DAB2IP: variants seen among roughly 807,000 people sequenced by gnomAD.
The protein encoded by DAB2IP is disabled homolog 2-interacting protein.
A neutral mutation model predicts 107.2 loss-of-function variants in DAB2IP; 28 were observed. The observed-to-expected ratio is 0.26, with a 90% CI of 0.19 to 0.36. The LOEUF (loss-of-function observed/expected upper bound fraction) is 0.36. DAB2IP is among the 10% of genes least tolerant of loss of function. The probability of loss-of-function intolerance (pLI) is 1.00; values close to 1 mark genes in which losing one functional copy is unlikely to be tolerated. For synonymous variants in DAB2IP, 755 were observed against 706.4 expected, an observed-to-expected ratio of 1.07 and a Z score of -1.09; for missense variants, 1,400 against 1,644.7, an observed-to-expected ratio of 0.85 and a Z score of 2.57.
At chr9:121,749,937 C>T (rs1479116378) in intron 3 of DAB2IP, among the ~76,000 whole-genome samples, 1 of 152,180 alleles carries the variant, frequency 6.6e-6, no homozygotes, top group African/African-American at 2.4e-5. Context: ...GCGTGTGCAT[C>T]GTTCACCAGT....
At chr9:121,688,028 G>A (rs931459203) in intron 2 of DAB2IP, among the ~76,000 whole-genome samples, 1 of 152,134 alleles carries the variant, frequency 6.6e-6, no homozygotes, top group African/African-American at 2.4e-5. Context: ...ACTTTGAGCA[G>A]GCCTGGCCCT....
chr9:121,632,154 G>A (rs569713615), intron 1 of DAB2IP, among the ~76,000 whole-genome samples: 1 of 152,336 alleles, frequency 6.6e-6, no homozygotes, highest in South Asian at 2.1e-4. Flanking sequence ...GCCTCTGCGG[G>A]TTACTAGCTG....
At chr9:121,758,469 C>T (rs1358567022) in intron 4 of DAB2IP, among the ~76,000 whole-genome samples, 1 of 152,184 alleles carries the variant, frequency 6.6e-6, no homozygotes, top group African/African-American at 2.4e-5. Context: ...ATTCTGGTAC[C>T]TACCTTTAGT....
intron 2 of DAB2IP, among the ~76,000 whole-genome samples, chr9:121,681,983 A>C (rs1038741685): frequency 2.6e-5 from 4 of 152,216 alleles, no homozygotes; most frequent in African/African-American, 9.6e-5. Flanking sequence ...TAACATCCAA[A>C]TCGGGTTTCC....
intron 1 of DAB2IP, among the ~76,000 whole-genome samples, chr9:121,654,518 G>A (rs1832895204): frequency 6.6e-6 from 1 of 152,092 alleles, no homozygotes; most frequent in African/African-American, 2.4e-5. Context: ...CAGGGTGTAG[G>A]GTGGAGGCTG....
At chr9:121,664,047 A>C (rs975050862) in intron 1 of DAB2IP, among the ~76,000 whole-genome samples, 13 of 152,378 alleles carry the variant, frequency 8.5e-5, no homozygotes, top group African/African-American at 2.9e-4. Flanking sequence ...CACAGTCATT[A>C]TCTCTCTTAG....
At chr9:121,590,489 C>T (rs1227556133) in intron 1 of DAB2IP, among the ~76,000 whole-genome samples, 1 of 152,100 alleles carries the variant, frequency 6.6e-6, no homozygotes, top group Non-Finnish European at 1.5e-5. Flanking sequence ...GGCTTGAGAA[C>T]AGGCTCTGTC....
At chr9:121,584,788 C>T (rs899139990) in intron 1 of DAB2IP, among the ~76,000 whole-genome samples, 1 of 152,136 alleles carries the variant, frequency 6.6e-6, no homozygotes. Context: ...GGACAATCAC[C>T]GTGCACTTAG....
intron 3 of DAB2IP, among the ~76,000 whole-genome samples, chr9:121,741,419 G>T (rs1189901384): frequency 6.6e-6 from 1 of 152,204 alleles, no homozygotes; most frequent in East Asian, 1.9e-4. Flanking sequence ...CACTTATGCT[G>T]CCTCCTGACA....
At chr9:121,587,737 A>G (rs941793104) in intron 1 of DAB2IP, among the ~76,000 whole-genome samples, 1 of 152,006 alleles carries the variant, frequency 6.6e-6, no homozygotes, top group Non-Finnish European at 1.5e-5. Flanking sequence ...GTAAAGGAGG[A>G]GTAAGATGGA....
At chr9:121,665,931 A>G (rs965313072) in intron 1 of DAB2IP, among the ~76,000 whole-genome samples, 2 of 152,232 alleles carry the variant, frequency 1.3e-5, no homozygotes, top group Admixed American at 1.3e-4. Context: ...GCCTGGATCC[A>G]TGGATGTATT....
chr9:121,773,657 GCTT>G (rs771329809), intron 12 of DAB2IP, among the ~76,000 whole-genome samples, 162 bp downstream of exon 12: 36 of 152,238 alleles, frequency 2.4e-4, no homozygotes, highest in African/African-American at 7.5e-4. Flanking sequence ...CCTCCCCCTG[GCTT>G]CTTCCTGAAT....
At chr9:121,745,640 CG>C (rs1220800289) in intron 3 of DAB2IP, among the ~76,000 whole-genome samples, 3 of 3,478 alleles carry the variant, frequency 8.6e-4, no homozygotes, top group South Asian at 6.7e-3. Context: ...TGGGGCGGGG[CG>C]GGGGTGGGGG....
chr9:121,644,063 C>T (rs1361279137), intron 1 of DAB2IP, among the ~76,000 whole-genome samples: 3 of 152,006 alleles, frequency 2.0e-5, no homozygotes, highest in South Asian at 4.2e-4. Context: ...CCTAGCTGCT[C>T]GGGAGGCTGA....
At chr9:121,573,137 C>T (rs10985322) in intron 1 of DAB2IP, among the ~76,000 whole-genome samples, 2 of 152,076 alleles carry the variant, frequency 1.3e-5, no homozygotes, top group African/African-American at 2.4e-5. Flanking sequence ...AGTGCAATGG[C>T]GCAATCTCGG....
At chr9:121,570,388 C>T (rs1039947366) in intron 1 of DAB2IP, among the ~76,000 whole-genome samples, 2 of 151,494 alleles carry the variant, frequency 1.3e-5, no homozygotes, top group African/African-American at 4.8e-5. Flanking sequence ...TGCTGTGATC[C>T]TTTTGTCTCT....
chr9:121,710,329 G>A (rs2118775400), intron 3 of DAB2IP, among the ~76,000 whole-genome samples: 1 of 152,338 alleles, frequency 6.6e-6, no homozygotes, highest in Non-Finnish European at 1.5e-5. Context: ...GGGCACCCGG[G>A]GCTCTGCTGG....
chr9:121,691,859 G>A (rs1403343252), intron 2 of DAB2IP, among the ~76,000 whole-genome samples: 1 of 152,238 alleles, frequency 6.6e-6, no homozygotes. Context: ...CAGCTGTACT[G>A]ATGGGCAGGA....
Position 121,736,444 on chromosome 9 carries a change from C to G in DAB2IP, c.363-20569C>G, listed in dbSNP as rs951160622. Among the ~76,000 whole-genome samples the G allele has an allele frequency of 6.6e-6, 1 of 151,972 alleles. No homozygotes were observed. The highest frequency in any genetic ancestry group is 1.5e-5 in the Non-Finnish European group (1 of 67,986). The stretch of plus-strand genomic sequence containing the variant: ...GCCCGCCCGGCGTGCCGAAGCGCAG[C>G]GGCGGGTCGCTAGCGGGAAGTGGCT... On this transcript the variant is annotated intron_variant, in intron 3 of 15. Transcript: ENST00000408936. The surrounding 1 kb of genome is among the most constrained non-coding windows in gnomAD (Gnocchi z 4.6).
Sources: gnomAD v4.1 joint callset for allele counts (sites outside exome capture counted in the v4.1 genomes callset) on GRCh38, gnomAD v4.1.1 for gene constraint, Gnocchi (gnomAD v3.1) non-coding constraint, MANE v1.5 for transcripts, NCBI Gene and HGNC (gene_info 2026-07-23, HGNC 2026-07-21) for gene names.